PRR23B: variants seen among roughly 807,000 people sequenced by gnomAD.
PRR23B encodes the protein proline-rich protein 23B.
For missense variants in PRR23B, 375 were observed against 371.7 expected, an observed-to-expected ratio of 1.01 and a Z score of -0.07; for synonymous variants, 157 against 168.0, an observed-to-expected ratio of 0.93 and a Z score of 0.51.
the PRR23B span, chr3:139,020,334 C>A: frequency 3.7e-6 from 6 of 1,614,038 alleles, no homozygotes; most frequent in Non-Finnish European, 5.1e-6. Flanking sequence ...CCTGAGCGTT[C>A]GTCGACGGAG....
At position 139,020,275 on chromosome 3, in the gene PRR23B, G is replaced by C; in HGVS notation, c.387C>G (p.Gly129=). ...CGACGACGACGTCCTCCCTGACAGC[G>C]CCCAGGAAAACGTCCACTTCCAGCC... ...SAGLEVDVFL[G]AVREDVVVEL... The change falls in exon 1 of 1, where the codon GGC becomes GGG. Residue 129 remains glycine (G), a synonymous_variant. Coordinates refer to ENST00000329447, the MANE Select transcript of PRR23B (RefSeq NM_001013650.2). 1 of 1,614,080 alleles carries C rather than the reference G, an allele frequency of 6.2e-7. No individual in the cohort carries two copies. Among genetic ancestry groups the C allele is most frequent in the Non-Finnish European group, 8.5e-7 (1 of 1,180,002 alleles).
At position 139,019,464 on chromosome 3, in the gene PRR23B, TA is replaced by T. The variant is rs934485589; in HGVS notation, c.*399del. ...AAATTCATGGGAAAAAAATGCAAGG[TA>T]ACTAACAACGTAAGAGATCTGGTGA... is the stretch of plus-strand genomic sequence containing the variant. On this transcript the variant is annotated 3_prime_UTR_variant, in exon 1 of 1. Transcript: ENST00000329447. 1.2e-5 allele frequency: 2 copies of T among 162,668 alleles called. No homozygotes were observed. The highest frequency in any genetic ancestry group is 2.7e-5 in the Non-Finnish European group (2 of 75,166). 10.1% of individuals were successfully genotyped at this position (162,668 alleles called of 1,614,324 possible).
At position 139,020,776 on chromosome 3, in the gene PRR23B, C is replaced by G; in HGVS notation, c.-115G>C. On this transcript the variant is annotated 5_prime_UTR_variant, in exon 1 of 1. Coordinates refer to ENST00000329447, the MANE Select transcript of PRR23B (RefSeq NM_001013650.2). ...CGGTGGTAGGGGAGGCTGGTTGGGA[C>G]GAGCGGGGCGCAGGACCGCGCGACG... 3 of 1,293,130 alleles carry G rather than the reference C, an allele frequency of 2.3e-6. No individual in the cohort carries two copies. Among genetic ancestry groups the G allele is most frequent in the Non-Finnish European group, 1.0e-6 (1 of 975,654 alleles). The allele number at this position is 1,293,130 out of a possible 1,614,324, so 80.1% of individuals were successfully genotyped here.
Position 139,019,115 on chromosome 3 carries a change from T to C in PRR23B, c.*749A>G, listed in dbSNP as rs562204970. 1 of 152,302 alleles carries C rather than the reference T, an allele frequency of 6.6e-6. No homozygotes were observed. Among genetic ancestry groups the C allele is most frequent in the East Asian group, 1.9e-4 (1 of 5,188 alleles). The allele number at this position is 152,302 out of a possible 1,614,324, so 9.4% of individuals were successfully genotyped here. On this transcript the variant is annotated 3_prime_UTR_variant, in exon 1 of 1. Coordinates refer to ENST00000329447, the MANE Select transcript of PRR23B (RefSeq NM_001013650.2). ...ACTAACATTTTAAAAGTTAGAAGTTTGGTTTACATGAGAAAAAACTCAGGG... is the reference window on the plus strand; with the variant it reads ...ACTAACATTTTAAAAGTTAGAAGTTCGGTTTACATGAGAAAAAACTCAGGG...
Position 139,019,182 on chromosome 3 carries a change from GC to G in PRR23B, c.*681del, listed in dbSNP as rs1360634956. The G allele has an allele frequency of 2.0e-5, 3 of 152,072 alleles. No homozygotes were observed. The highest frequency in any genetic ancestry group is 4.4e-5 in the Non-Finnish European group (3 of 68,010). 9.4% of individuals were successfully genotyped at this position (152,072 alleles called of 1,614,324 possible). A position where few individuals can be genotyped will look rare whatever the true frequency, so the allele number is the denominator to read the frequency against. Reference sequence around the variant, plus strand: ...TAAAATAATGTGGAATAGCAGGAATGCAAACACTTTCCATTGGGTGAAATCA... The same window carrying G: ...TAAAATAATGTGGAATAGCAGGAATGAAACACTTTCCATTGGGTGAAATCA... On this transcript the variant is annotated 3_prime_UTR_variant, in exon 1 of 1. Coordinates refer to ENST00000329447, the MANE Select transcript of PRR23B (RefSeq NM_001013650.2).
rs758625786 is a variant in PRR23B, at chr3:139,019,639, G to A, written c.*225C>T. The A allele has an allele frequency of 4.4e-6, 2 of 454,864 alleles. No homozygotes were observed. The highest frequency in any genetic ancestry group is 7.6e-6 in the Non-Finnish European group (2 of 261,716). The allele number at this position is 454,864 out of a possible 1,614,324, so 28.2% of individuals were successfully genotyped here. A position where few individuals can be genotyped will look rare whatever the true frequency, so the allele number is the denominator to read the frequency against. The stretch of plus-strand genomic sequence containing the variant: ...CCCAGAAATCTGGACACATTTTCTG[G>A]TATCCTTGCGCAGATTTTCTATTTA... On this transcript the variant is annotated 3_prime_UTR_variant, in exon 1 of 1. Transcript: ENST00000329447.
In PRR23B at chr3:139,020,798, G is replaced by C; in HGVS notation, c.-137C>G. On this transcript the variant is annotated 5_prime_UTR_variant, in exon 1 of 1. Transcript: ENST00000329447. ...GGACGAGCGGGGCGCAGGACCGCGC[G>C]ACGCGGGGCGAGTCCTCGGAGCTCC... The C allele has an allele frequency of 8.9e-7, 1 of 1,126,500 alleles. No individual in the cohort carries two copies. The highest frequency in any genetic ancestry group is 1.2e-6 in the Non-Finnish European group (1 of 827,714). The allele number at this position is 1,126,500 out of a possible 1,614,324, so 69.8% of individuals were successfully genotyped here. A position where few individuals can be genotyped will look rare whatever the true frequency, so the allele number is the denominator to read the frequency against.
rs1384528119 is a variant in PRR23B at position 139,020,847 on chromosome 3, A to G, written c.-186T>C. 9 of 722,646 alleles carry G rather than the reference A, an allele frequency of 1.2e-5. No homozygotes were observed. The allele number at this position is 722,646 out of a possible 1,614,324, so 44.8% of individuals were successfully genotyped here. A position where few individuals can be genotyped will look rare whatever the true frequency, so the allele number is the denominator to read the frequency against. ...CCCGGGGCGCCTCCTGGGGGACCGTAGTCTGGGCTGCTGGTGGTGCCTCGC... is the reference window on the plus strand; with the variant it reads ...CCCGGGGCGCCTCCTGGGGGACCGTGGTCTGGGCTGCTGGTGGTGCCTCGC... On this transcript the variant is annotated 5_prime_UTR_variant, in exon 1 of 1. Coordinates refer to ENST00000329447, the MANE Select transcript of PRR23B (RefSeq NM_001013650.2).
chr3:139,020,747 A>C lies in PRR23B; in HGVS notation c.-86T>G. On this transcript the variant is annotated 5_prime_UTR_variant, in exon 1 of 1. Coordinates refer to ENST00000329447, the MANE Select transcript of PRR23B (RefSeq NM_001013650.2). ...GGTGAAGTCCTCTTTGAAGTAACAG[A>C]TGTCGGTGGTAGGGGAGGCTGGTTG... 3.6e-6 allele frequency: 5 copies of C among 1,396,154 alleles called. No homozygotes were observed. The highest frequency in any genetic ancestry group is 4.7e-6 in the Non-Finnish European group (5 of 1,070,238). The allele number at this position is 1,396,154 out of a possible 1,614,324, so 86.5% of individuals were successfully genotyped here.
Position 139,020,247 on chromosome 3 carries a change from G to T in PRR23B, c.415C>A (p.Leu139Met), listed in dbSNP as rs749633857. 3.7e-6 allele frequency: 6 copies of T among 1,614,078 alleles called. No individual in the cohort carries two copies. The South Asian group carries it at 5.5e-5, about 15-fold the overall frequency. ...GAVREDVVVELEFCASVPEIA... is the reference protein window; with the variant it reads ...GAVREDVVVEMEFCASVPEIA... The stretch of plus-strand genomic sequence containing the variant: ...TCTGGGACAGATGCGCAGAATTCCA[G>T]CTCGACGACGACGTCCTCCCTGACA... The change falls in exon 1 of 1, where the codon CTG (leucine) becomes ATG (methionine). Residue 139 changes from leucine (L) to methionine (M), a missense_variant. Leu to Met is a conservative substitution (Grantham distance 15, BLOSUM62 2). Coordinates refer to ENST00000329447, the MANE Select transcript of PRR23B (RefSeq NM_001013650.2).
chr3:139,019,870 C>T lies in PRR23B; in HGVS notation c.792G>A (p.Gln264=), dbSNP rs775521980. ...PPCKARRRLF[Q]A is the part of the protein sequence containing the mutation. ...TGTACGTGGGGGTGGGGGTCTATGC[C>T]TGGAACAGGCGTCTCCGGGCCTTGC... is the stretch of plus-strand genomic sequence containing the variant. Residue 264 remains glutamine, a synonymous_variant, in exon 1 of 1, where the codon CAG becomes CAA. Coordinates refer to ENST00000329447, the MANE Select transcript of PRR23B (RefSeq NM_001013650.2). 6 of 1,590,642 alleles carry T rather than the reference C, an allele frequency of 3.8e-6. No homozygotes were observed. The South Asian group carries it at 4.6e-5, about 12-fold the overall frequency.
Position 139,020,574 on chromosome 3 carries a change from G to T in PRR23B, c.88C>A (p.Arg30=). 6.4e-7 allele frequency: 1 copy of T among 1,552,000 alleles called. No homozygotes were observed. The change falls in exon 1 of 1, where the codon CGA becomes AGA. Residue 30 remains arginine, a synonymous_variant. Transcript: ENST00000329447. The stretch of plus-strand genomic sequence containing the variant: ...TCGGGGCCCGCGGGCTCCTCCAATC[G>T]GAGGCGCTTGGCAGGGCCGGGTCCT... ...PGGPGPAKRL[R]LEEPAGPEPR... is the part of the protein sequence containing the mutation.
Position 139,020,139 on chromosome 3 carries a change from C to T in PRR23B, c.523G>A (p.Ala175Thr). The change falls in exon 1 of 1, where the codon GCC (alanine) becomes ACC (threonine). Residue 175 changes from alanine (A) to threonine (T), a missense_variant. Physicochemically the swap from Ala to Thr is moderately conservative, Grantham distance 58. Transcript: ENST00000329447. ...ELRMDSPTGS[A>T]AGLYPSSRSM... ...CTAGAGGAGGGGTAGAGCCCAGCGG[C>T]TGAGCCGGTTGGGGAGTCCATCCGG... 1 of 1,614,122 alleles carries T rather than the reference C, an allele frequency of 6.2e-7. No individual in the cohort carries two copies. The highest frequency in any genetic ancestry group is 1.3e-5 in the African/African-American group (1 of 75,044).
Position 139,020,648 on chromosome 3 carries a change from G to T in PRR23B, c.14C>A (p.Pro5His), listed in dbSNP as rs1255678480. ...AGCAGGGAAGGCGCTGGGGCTGCGG[G>T]GCCGGCTGACCATCGCCTCGACGGC... The part of the protein sequence containing the change: MVSR[P>H]RSPSAFPAPW... The change falls in exon 1 of 1, where the codon CCC becomes CAC. Residue 5 changes from proline to histidine, a missense_variant. By Grantham distance (77) the Pro-to-His change is moderately conservative. Coordinates refer to ENST00000329447, the MANE Select transcript of PRR23B (RefSeq NM_001013650.2). The T allele has an allele frequency of 1.3e-6, 2 of 1,530,198 alleles. No individual in the cohort carries two copies. The highest frequency in any genetic ancestry group is 1.7e-6 in the Non-Finnish European group (2 of 1,146,914). 94.8% of individuals were successfully genotyped at this position (1,530,198 alleles called of 1,614,324 possible).
Position 139,020,504 on chromosome 3 carries a change from G to C in PRR23B, c.158C>G (p.Ala53Gly). 1 of 1,582,528 alleles carries C rather than the reference G, an allele frequency of 6.3e-7. No individual in the cohort carries two copies. The highest frequency in any genetic ancestry group is 1.8e-5 in the Admixed American group (1 of 54,692). The part of the protein sequence containing the change: ...PSLEDPAGDP[A>G]VDALTSIVVL... The stretch of plus-strand genomic sequence containing the variant: ...CACTATGGAGGTGAGCGCGTCCACG[G>C]CCGGGTCCCCCGCCGGGTCTTCCAG... Residue 53 changes from alanine to glycine, a missense_variant, in exon 1 of 1, where the codon GCC (alanine) becomes GGC (glycine). By Grantham distance (60) the Ala-to-Gly change is moderately conservative (BLOSUM62 0). Transcript: ENST00000329447.
Position 139,020,751 on chromosome 3 carries a change from C to G in PRR23B, c.-90G>C, listed in dbSNP as rs1352551148. On this transcript the variant is annotated 5_prime_UTR_variant, in exon 1 of 1. Transcript: ENST00000329447. The stretch of plus-strand genomic sequence containing the variant: ...AAGTCCTCTTTGAAGTAACAGATGT[C>G]GGTGGTAGGGGAGGCTGGTTGGGAC... The G allele has an allele frequency of 2.8e-5, 39 of 1,392,566 alleles. No individual in the cohort carries two copies. The highest frequency in any genetic ancestry group is 3.6e-5 in the Non-Finnish European group (38 of 1,067,098). The allele number at this position is 1,392,566 out of a possible 1,614,324, so 86.3% of individuals were successfully genotyped here.
rs747109493 is a variant in PRR23B at position 139,020,094 on chromosome 3, G to C, written c.568C>G (p.Arg190Gly). The C allele has an allele frequency of 2.5e-6, 4 of 1,614,034 alleles. No homozygotes were observed. In the Admixed American group the frequency reaches 5.0e-5, roughly 20 times the overall value. ...CAGGGTTCTGGGATGGGGCCCTCCC[G>C]GTAGGGGATGAACATACTTCTAGAG... The part of the protein sequence containing the change: ...PSSRSMFIPY[R>G]EGPIPEPCAL... Residue 190 changes from arginine (R) to glycine (G), a missense_variant, in exon 1 of 1, where the codon CGG (arginine) becomes GGG (glycine). Transcript: ENST00000329447.
chr3:139,020,028 G>C lies in PRR23B; in HGVS notation c.634C>G (p.Arg212Gly), dbSNP rs1234096814. The C allele has an allele frequency of 3.7e-6, 6 of 1,614,018 alleles. No homozygotes were observed. The South Asian group carries it at 5.5e-5, about 15-fold the overall frequency. Residue 212 changes from arginine (R) to glycine (G), a missense_variant, in exon 1 of 1, where the codon CGC becomes GGC. Arg to Gly is a moderately radical substitution (Grantham distance 125). Coordinates refer to ENST00000329447, the MANE Select transcript of PRR23B (RefSeq NM_001013650.2). ...CGGAATTCCAGGTCAAAGATGGGGC[G>C]TGGAGAACGTCTCTCTGAACTGGGG... is the stretch of plus-strand genomic sequence containing the variant. ...PNPSSERRSPRPIFDLEFRLL... is the reference protein window; with the variant it reads ...PNPSSERRSPGPIFDLEFRLL...
At position 139,020,594 on chromosome 3, in the gene PRR23B, G is replaced by A. The variant is rs1425651358; in HGVS notation, c.68C>T (p.Pro23Leu). ...APWWGQQPGGPGPAKRLRLEE... is the reference protein window; with the variant it reads ...APWWGQQPGGLGPAKRLRLEE... ...CAATCGGAGGCGCTTGGCAGGGCCG[G>A]GTCCTCCTGGCTGCTGTCCCCACCA... is the stretch of plus-strand genomic sequence containing the variant. Residue 23 changes from proline to leucine, a missense_variant, in exon 1 of 1, where the codon CCC (proline) becomes CTC (leucine). Physicochemically the swap from Pro to Leu is moderately conservative, Grantham distance 98. Coordinates refer to ENST00000329447, the MANE Select transcript of PRR23B (RefSeq NM_001013650.2). 2.6e-6 allele frequency: 4 copies of A among 1,551,590 alleles called. No homozygotes were observed. Among genetic ancestry groups the A allele is most frequent in the Non-Finnish European group, 3.5e-6 (4 of 1,153,712 alleles).
Sources: gnomAD v4.1 joint callset for allele counts on GRCh38, gnomAD v4.1.1 for gene constraint, MANE v1.5 for transcripts, NCBI Gene and HGNC (gene_info 2026-07-23, HGNC 2026-07-21) for gene names.